FOXP1: variants seen among roughly 807,000 people sequenced by gnomAD.
The protein encoded by FOXP1 is forkhead box protein P1.
In FOXP1, 15 loss-of-function variants were observed where a neutral mutation model predicts 98.2. The ratio of observed to expected loss-of-function variants is 0.15; its 90% CI spans 0.10 to 0.24. FOXP1 has a LOEUF of 0.24. Ranked by LOEUF, FOXP1 falls within the 10% of genes least tolerant of loss-of-function variation. The pLI is 1.00. For missense variants in FOXP1, 633 were observed against 848.5 expected, an observed-to-expected ratio of 0.75 and a Z score of 3.15; for synonymous variants, 371 against 314.5, an observed-to-expected ratio of 1.18 and a Z score of -1.90.
At chr3:71,236,506 C>T (rs1042089486) in intron 5 of FOXP1, among the ~76,000 whole-genome samples, 2 of 152,202 alleles carry the variant, frequency 1.3e-5, no homozygotes, top group South Asian at 2.1e-4. Context: ...CATTGTCCCA[C>T]AGGCATATAA....
At chr3:71,309,911 T>C (rs766816740) in intron 4 of FOXP1, among the ~76,000 whole-genome samples, 1 of 152,174 alleles carries the variant, frequency 6.6e-6, no homozygotes, top group African/African-American at 2.4e-5. Context: ...AGACTTTAGA[T>C]GTGGACATAA....
chr3:71,447,360 G>A (rs1205578442), intron 3 of FOXP1, among the ~76,000 whole-genome samples: 1 of 152,182 alleles, frequency 6.6e-6, no homozygotes, highest in African/African-American at 2.4e-5. Context: ...CATCCACTTA[G>A]ATGAATGGCC....
At chr3:71,449,697 T>C (rs1383410222) in intron 3 of FOXP1, among the ~76,000 whole-genome samples, 2 of 152,164 alleles carry the variant, frequency 1.3e-5, no homozygotes, top group African/African-American at 4.8e-5. Context: ...ATGTAAACCC[T>C]ATGGAAGAAA....
intron 5 of FOXP1, among the ~76,000 whole-genome samples, chr3:71,207,452 T>C (rs1228065056): frequency 6.6e-6 from 1 of 152,192 alleles, no homozygotes; most frequent in Non-Finnish European, 1.5e-5. Context: ...CAGAATTCTG[T>C]TGCTTGCATT....
chr3:71,151,712 T>C (rs2108069455), intron 6 of FOXP1, among the ~76,000 whole-genome samples: 1 of 150,898 alleles, frequency 6.6e-6, no homozygotes, highest in Admixed American at 6.6e-5. Flanking sequence ...TTTTTGGTCA[T>C]ACCTTGCACG....
At chr3:71,421,862 C>A (rs2083678652) in intron 3 of FOXP1, among the ~76,000 whole-genome samples, 1 of 152,210 alleles carries the variant, frequency 6.6e-6, no homozygotes, top group Non-Finnish European at 1.5e-5. Context: ...TATGATTAGC[C>A]TCCCAGCTGC....
chr3:71,305,433 T>C (rs1349014749), intron 4 of FOXP1, among the ~76,000 whole-genome samples: 1 of 152,098 alleles, frequency 6.6e-6, no homozygotes, highest in East Asian at 1.9e-4. Flanking sequence ...GACGATTCGA[T>C]TTCCACAGAA....
At chr3:71,575,388 G>A (rs371896152) in intron 2 of FOXP1, among the ~76,000 whole-genome samples, 3 of 152,004 alleles carry the variant, frequency 2.0e-5, no homozygotes, top group Non-Finnish European at 4.4e-5. Flanking sequence ...ATAAATGTAC[G>A]TTACCATGTC....
chr3:71,277,779 T>TA (rs34566349), intron 5 of FOXP1, among the ~76,000 whole-genome samples: 18 of 150,108 alleles, frequency 1.2e-4, no homozygotes, highest in Middle Eastern at 3.4e-3. Flanking sequence ...TTTCCCTAGT[T>TA]AAAAAAAAAA....
At chr3:71,129,505 G>A (rs1048346927) in intron 6 of FOXP1, among the ~76,000 whole-genome samples, 31 of 152,108 alleles carry the variant, frequency 2.0e-4, no homozygotes, top group Admixed American at 1.8e-3. Context: ...ACTAGCAAAC[G>A]AGGTTCACAG....
At chr3:71,580,885 G>A (rs920697690) in intron 2 of FOXP1, 31 of 985,124 alleles carry the variant, frequency 3.1e-5, no homozygotes, top group African/African-American at 1.4e-4. Context: ...ATGCTCCTCC[G>A]GCATTCCTGT....
rs1406515351 is a variant in FOXP1 at position 71,358,016 on chromosome 3, T to C, written c.-73+1134A>G. Among the ~76,000 whole-genome samples, 4 of 152,296 alleles carry C rather than the reference T, an allele frequency of 2.6e-5. No individual in the cohort carries two copies. In the East Asian group the frequency reaches 7.7e-4, roughly 29 times the overall value. On this transcript the variant is annotated intron_variant, in intron 4 of 20. Coordinates refer to ENST00000649528, the MANE Select transcript of FOXP1 (RefSeq NM_001349338.3). ...ATTAACCCTCTATTCCCAAAGCTGTTTGTTTAAGTATGACTTGCCTTCTTA... is the reference window on the plus strand; with the variant it reads ...ATTAACCCTCTATTCCCAAAGCTGTCTGTTTAAGTATGACTTGCCTTCTTA...
chr3:71,120,328 T>C (rs1012200416), intron 6 of FOXP1, among the ~76,000 whole-genome samples: 1 of 152,200 alleles, frequency 6.6e-6, no homozygotes, highest in Non-Finnish European at 1.5e-5. Flanking sequence ...ATATACTGAA[T>C]TTGAATCAGT....
intron 20 of FOXP1, among the ~76,000 whole-genome samples, chr3:70,962,758 T>C (rs2033847374): frequency 6.6e-6 from 1 of 152,202 alleles, no homozygotes; most frequent in African/African-American, 2.4e-5. Context: ...GATAGAAGAA[T>C]GTAAGATCAT....
At chr3:71,212,473 G>A (rs2064556242) in intron 5 of FOXP1, among the ~76,000 whole-genome samples, 1 of 152,128 alleles carries the variant, frequency 6.6e-6, no homozygotes, top group Non-Finnish European at 1.5e-5. Context: ...CAAACCAAAT[G>A]AGGCTCCTAG....
At chr3:71,235,652 C>T (rs987189765) in intron 5 of FOXP1, among the ~76,000 whole-genome samples, 9 of 152,166 alleles carry the variant, frequency 5.9e-5, no homozygotes, top group South Asian at 2.1e-4. Flanking sequence ...CTGCAACCTC[C>T]GCCTCCCAGG....
At chr3:71,103,826 C>T (rs555779104) in intron 7 of FOXP1, among the ~76,000 whole-genome samples, 2 of 152,282 alleles carry the variant, frequency 1.3e-5, no homozygotes, top group East Asian at 3.9e-4. Flanking sequence ...AAGGAGTTTG[C>T]TTTTATCGCA....
intron 3 of FOXP1, among the ~76,000 whole-genome samples, chr3:71,448,211 C>T (rs963641125): frequency 6.6e-6 from 1 of 152,260 alleles, no homozygotes; most frequent in Non-Finnish European, 1.5e-5. Flanking sequence ...ATCCCCTGAC[C>T]AGGGTGAAGG....
intron 5 of FOXP1, among the ~76,000 whole-genome samples, chr3:71,201,819 T>A (rs558910501): frequency 6.6e-6 from 1 of 152,214 alleles, no homozygotes; most frequent in African/African-American, 2.4e-5. Context: ...TATATAGATA[T>A]TTTTCCTTCT....
Sources: allele counts gnomAD v4.1 joint callset (sites outside exome capture counted in the v4.1 genomes callset), GRCh38; gene constraint gnomAD v4.1.1; transcripts MANE v1.5; gene names NCBI Gene and HGNC (gene_info 2026-07-23, HGNC 2026-07-21).